The following NKTR variants were observed in gnomAD, a reference collection of about 807,000 sequenced individuals.
The protein encoded by NKTR is natural killer cell triggering receptor, also known as NK-tumor recognition protein.
In NKTR, 67 loss-of-function variants were observed where a neutral mutation model predicts 156.3. The ratio of observed to expected loss-of-function variants is 0.43; its 90% confidence interval spans 0.35 to 0.53. The LOEUF (loss-of-function observed/expected upper bound fraction) is 0.53. Among genes scored for constraint, NKTR ranks in the 20% least tolerant of loss-of-function variants. The pLI, the probability that NKTR is intolerant of heterozygous loss-of-function variation, is 0.01. For missense variants in NKTR, 1,604 were observed against 1,730.9 expected, an observed-to-expected ratio of 0.93 and a Z score of 1.30; for synonymous variants, 640 against 596.6, an observed-to-expected ratio of 1.07 and a Z score of -1.06.
intron 2 of NKTR, among the ~76,000 whole-genome samples, chr3:42,614,833 G>A (rs1201838846): frequency 1.3e-5 from 2 of 151,942 alleles, no homozygotes; most frequent in Non-Finnish European, 2.9e-5. Context: ...ACCTAATTAG[G>A]TTAATGTGTT....
rs759360091 is a variant in NKTR, at chr3:42,637,275, A to T, written c.1571A>T (p.His524Leu). 2 of 1,613,720 alleles carry T rather than the reference A, an allele frequency of 1.2e-6. No homozygotes were observed. The highest frequency in any genetic ancestry group is 2.2e-5 in the South Asian group (2 of 90,990). ...SSRDSYRSKS[H>L]SQSYSRGSSR... ...AGAGACTCATACAGATCAAAATCTC[A>T]CTCACAGTCTTATTCTAGAGGAAGC... Residue 524 changes from histidine (H) to leucine (L), a missense_variant, in exon 13 of 17, where the codon CAC (histidine) becomes CTC (leucine). By Grantham distance (99) the His-to-Leu change is moderately conservative. Transcript: ENST00000232978.
intron 2 of NKTR, among the ~76,000 whole-genome samples, chr3:42,613,551 A>G (rs1024086671): frequency 3.9e-5 from 6 of 152,178 alleles, no homozygotes; most frequent in South Asian, 2.1e-4. Context: ...CAACTACCAT[A>G]TCATCTATGT....
chr3:42,639,870 CTTGTT>C (rs1263105722), intron 13 of NKTR, 120 bp downstream of exon 13: 35 of 803,808 alleles, frequency 4.4e-5, no homozygotes, highest in Non-Finnish European at 6.1e-5. Flanking sequence ...AATAAGAAGT[CTTGTT>C]TTGTGTGATT....
intron 6 of NKTR, chr3:42,627,466 T>A: frequency 1.0e-6 from 1 of 985,310 alleles, no homozygotes; most frequent in Non-Finnish European, 1.2e-6. Flanking sequence ...AGTGGGGTTA[T>A]TAGTTTATAG....
At chr3:42,633,112 T>G (rs1413650105) in intron 9 of NKTR, 2 of 701,260 alleles carry the variant, frequency 2.9e-6, no homozygotes, top group African/African-American at 3.8e-5. Context: ...CAATTATAGC[T>G]CACTGCATCC....
At chr3:42,621,191 CTGTT>C (rs1559563842) in intron 5 of NKTR, 2 of 1,116,590 alleles carry the variant, frequency 1.8e-6, no homozygotes, top group Non-Finnish European at 2.2e-6. Flanking sequence ...TGTTCTAAGG[CTGTT>C]TGTGTGAAGT....
rs753150420 is a variant in NKTR, at chr3:42,637,521, C to G, written c.1817C>G (p.Pro606Arg). Reference sequence around the variant, plus strand: ...CAACCAGTTGTAGCAGAAAATATTCCTGTAATACCACTGAGTGACAGTCCC... The same window carrying G: ...CAACCAGTTGTAGCAGAAAATATTCGTGTAATACCACTGAGTGACAGTCCC... ...VVQPVVAENIPVIPLSDSPPP... is the reference protein window; with the variant it reads ...VVQPVVAENIRVIPLSDSPPP... The change falls in exon 13 of 17, where the codon CCT becomes CGT. Residue 606 changes from proline to arginine, a missense_variant. Pro to Arg is a moderately radical substitution (Grantham distance 103, BLOSUM62 -2). Around this residue, in one of 6 missense-constraint regions of NKTR, gnomAD observed 1,255 missense variants for 1,243.7 expected, o/e 1.01. Coordinates refer to ENST00000232978, the MANE Select transcript of NKTR (RefSeq NM_005385.4). The G allele has an allele frequency of 1.9e-6, 3 of 1,613,996 alleles. No homozygotes were observed. Among genetic ancestry groups the G allele is most frequent in the Non-Finnish European group, 2.5e-6 (3 of 1,180,000 alleles).
At position 42,639,292 on chromosome 3, in the gene NKTR, C is replaced by T; in HGVS notation, c.3588C>T (p.Ser1196=). The T allele has an allele frequency of 6.2e-7, 1 of 1,614,082 alleles. No individual in the cohort carries two copies. The highest frequency in any genetic ancestry group is 8.5e-7 in the Non-Finnish European group (1 of 1,179,976). Residue 1196 remains serine, a synonymous_variant, in exon 13 of 17, where the codon AGC becomes AGT. Transcript: ENST00000232978. The part of the protein sequence containing the change: ...KVLGEVGKQD[S]SSASLASAGE... ...TGGGTGAAGTGGGGAAACAGGACAGCAGCTCTGCTAGCTTGGCTAGTGCTG... is the reference window on the plus strand; with the variant it reads ...TGGGTGAAGTGGGGAAACAGGACAGTAGCTCTGCTAGCTTGGCTAGTGCTG...
intron 2 of NKTR, among the ~76,000 whole-genome samples, chr3:42,614,315 G>A (rs1219782500): frequency 6.6e-6 from 1 of 151,906 alleles, no homozygotes; most frequent in Non-Finnish European, 1.5e-5. Flanking sequence ...TTCATTCCAA[G>A]TCTGTCCTTT....
rs1261521495 is a variant in NKTR, at chr3:42,645,734, C to G, written c.4302-154C>G. 2.0e-5 allele frequency among the ~76,000 whole-genome samples: 3 copies of G among 152,032 alleles called. No homozygotes were observed. The East Asian group carries it at 5.8e-4, about 29-fold the overall frequency. ...TGTTGCCATAGTCAGTACCCTACCT[C>G]TGTGTTATGCTGCATCAATAGTGCA... is the stretch of plus-strand genomic sequence containing the variant. On this transcript the variant is annotated intron_variant, in intron 16 of 16. Transcript: ENST00000232978.
chr3:42,630,705 C>T, intron 7 of NKTR, 130 bp downstream of exon 7: 1 of 1,486,042 alleles, frequency 6.7e-7, no homozygotes. Context: ...AAAGCTATTC[C>T]TTAGGATCAC....
At chr3:42,644,082 TAGTGGAAGAGAA>T in intron 16 of NKTR, 79 bp downstream of exon 16, 1 of 808,826 alleles carries the variant, frequency 1.2e-6, no homozygotes, top group Non-Finnish European at 2.0e-6. Flanking sequence ...GATGGGCTGC[TAGTGGAAGAGAA>T]AGTGGTATAA....
intron 2 of NKTR, among the ~76,000 whole-genome samples, chr3:42,607,002 G>A (rs758378699): frequency 2.6e-5 from 4 of 152,078 alleles, no homozygotes; most frequent in African/African-American, 4.8e-5. Flanking sequence ...CTTCTGATAC[G>A]TAATCACTTT....
Position 42,619,705 on chromosome 3 carries a change from A to G in NKTR, c.283A>G (p.Lys95Glu). 1 of 1,610,498 alleles carries G rather than the reference A, an allele frequency of 6.2e-7. No individual in the cohort carries two copies. Among genetic ancestry groups the G allele is most frequent in the Non-Finnish European group, 8.5e-7 (1 of 1,177,636 alleles). Reference sequence around the variant, plus strand: ...AGAATCAATTTATGGTGGATATTTTAAAGGTAAGGCTTAATATTTTACGGT... The same window carrying G: ...AGAATCAATTTATGGTGGATATTTTGAAGGTAAGGCTTAATATTTTACGGT... ...GGESIYGGYFKDENFILKHDR... is the reference protein window; with the variant it reads ...GGESIYGGYFEDENFILKHDR... The change falls in exon 5 of 17, where the codon AAA (lysine) becomes GAA (glutamate). Residue 95 changes from lysine to glutamate, a missense_variant. By Grantham distance (56) the Lys-to-Glu change is moderately conservative. This residue lies in a region of NKTR where 61 missense variants were observed against 113.3 expected (regional missense o/e 0.54). Coordinates refer to ENST00000232978, the MANE Select transcript of NKTR (RefSeq NM_005385.4).
chr3:42,642,696 A>G, intron 14 of NKTR, 100 bp downstream of exon 14: 1 of 801,144 alleles, frequency 1.2e-6, no homozygotes, highest in South Asian at 1.4e-5. Flanking sequence ...TCATGTCATT[A>G]CTGAATATAC....
intron 6 of NKTR, chr3:42,628,423 G>A: frequency 1.0e-6 from 1 of 985,310 alleles, no homozygotes. Flanking sequence ...GTATGTTGCT[G>A]CATCGCTACA....
At position 42,638,919 on chromosome 3, in the gene NKTR, C is replaced by G; in HGVS notation, c.3215C>G (p.Thr1072Arg). The G allele has an allele frequency of 6.2e-7, 1 of 1,612,298 alleles. No homozygotes were observed. The highest frequency in any genetic ancestry group is 1.1e-5 in the South Asian group (1 of 90,992). The change falls in exon 13 of 17, where the codon ACA (threonine) becomes AGA (arginine). Residue 1072 changes from threonine to arginine, a missense_variant. Thr to Arg is a moderately conservative substitution (Grantham distance 71). Transcript: ENST00000232978. The stretch of plus-strand genomic sequence containing the variant: ...GAGGACCTTTCAGGTAAACATGATA[C>G]AGTGACTGTTTCATCAGATCTTGAT... ...SEEDLSGKHD[T>R]VTVSSDLDQF... is the part of the protein sequence containing the mutation.
chr3:42,608,913 G>C (rs1228020304), intron 2 of NKTR, among the ~76,000 whole-genome samples: 1 of 152,158 alleles, frequency 6.6e-6, no homozygotes, highest in Non-Finnish European at 1.5e-5. Context: ...ATCACTTGAG[G>C]TCAGGAGTTC....
At position 42,637,416 on chromosome 3, in the gene NKTR, C is replaced by T. The variant is rs1012533548; in HGVS notation, c.1712C>T (p.Ala571Val). 1 of 1,613,338 alleles carries T rather than the reference C, an allele frequency of 6.2e-7. No individual in the cohort carries two copies. The highest frequency in any genetic ancestry group is 8.5e-7 in the Non-Finnish European group (1 of 1,179,792). The change falls in exon 13 of 17, where the codon GCT (alanine) becomes GTT (valine). Residue 571 changes from alanine (A) to valine (V), a missense_variant. Transcript: ENST00000232978. ...KRASKSPRKT[A>V]SQLSENKPVK... Reference sequence around the variant, plus strand: ...GCATCAAAATCACCAAGAAAAACAGCTTCTCAGTTAAGTGAAAATAAACCA... The same window carrying T: ...GCATCAAAATCACCAAGAAAAACAGTTTCTCAGTTAAGTGAAAATAAACCA...
Sources: allele counts gnomAD v4.1 joint callset (sites outside exome capture counted in the v4.1 genomes callset), GRCh38; gene constraint gnomAD v4.1.1; regional missense constraint gnomAD v4.1.1; transcripts MANE v1.5; gene names NCBI Gene and HGNC (gene_info 2026-07-23, HGNC 2026-07-21).